The following CYB5R4 variants were observed in gnomAD, a reference collection of about 807,000 sequenced individuals.
CYB5R4 encodes cytochrome b5 reductase 4.
A neutral mutation model predicts 70.2 loss-of-function variants in CYB5R4; 55 were observed. The ratio of observed to expected loss-of-function variants is 0.78; its 90% CI spans 0.63 to 0.98. The LOEUF is 0.98. Among genes scored for constraint, CYB5R4 ranks in the 50% least tolerant of loss-of-function variants. The pLI, the probability that CYB5R4 is intolerant of heterozygous loss-of-function variation, is 0.00. For synonymous variants in CYB5R4, 197 were observed against 199.5 expected, an observed-to-expected ratio of 0.99 and a Z score of 0.11; for missense variants, 562 against 612.6, an observed-to-expected ratio of 0.92 and a Z score of 0.87.
chr6:83,871,974 CA>C (rs1374865231), intron 2 of CYB5R4, among the ~76,000 whole-genome samples: 1 of 151,888 alleles, frequency 6.6e-6, no homozygotes, highest in Non-Finnish European at 1.5e-5. Context: ...TTTTCTGTTA[CA>C]TTGTTTGTTG....
intron 12 of CYB5R4, among the ~76,000 whole-genome samples, 170 bp from the exon 13 acceptor site, chr6:83,939,886 C>T (rs553790834): frequency 1.3e-5 from 2 of 152,072 alleles, no homozygotes; most frequent in Non-Finnish European, 2.9e-5. Flanking sequence ...ATCCTTAAGA[C>T]TACTTACATA....
chr6:83,889,207 A>G (rs2099460732), intron 2 of CYB5R4, among the ~76,000 whole-genome samples: 2 of 152,266 alleles, frequency 1.3e-5, no homozygotes, highest in African/African-American at 4.8e-5. Context: ...AGCTAAGATC[A>G]GTGATGTAGT....
At chr6:83,921,622 T>C (rs1279983015) in intron 8 of CYB5R4, among the ~76,000 whole-genome samples, 1 of 152,164 alleles carries the variant, frequency 6.6e-6, no homozygotes, top group Non-Finnish European at 1.5e-5. Context: ...CAGCTGTCAG[T>C]CCCTTCGTGG....
intron 13 of CYB5R4, 103 bp downstream of exon 13, chr6:83,940,309 TTTCCTCA>T: frequency 1.7e-6 from 2 of 1,186,580 alleles, no homozygotes; most frequent in Middle Eastern, 2.9e-4. Context: ...CATGTTACCA[TTTCCTCA>T]TTCATCATTT....
chr6:83,874,863 G>A (rs529704958), intron 2 of CYB5R4, among the ~76,000 whole-genome samples: 1 of 148,426 alleles, frequency 6.7e-6, no homozygotes, highest in African/African-American at 2.5e-5. Context: ...TCACTCTGTC[G>A]CCAGGCTGGA....
intron 14 of CYB5R4, among the ~76,000 whole-genome samples, chr6:83,952,216 A>G (rs1036649212): frequency 1.3e-5 from 2 of 152,178 alleles, no homozygotes; most frequent in Admixed American, 6.6e-5. Flanking sequence ...ATAGAAGACA[A>G]TTTACATCAC....
intron 14 of CYB5R4, among the ~76,000 whole-genome samples, chr6:83,954,961 GTC>G (rs2099472112): frequency 6.6e-6 from 1 of 151,094 alleles, no homozygotes; most frequent in Admixed American, 6.6e-5. Flanking sequence ...GCCCAGGCTG[GTC>G]TCAAACTCCT....
chr6:83,878,582 G>A (rs1020260019), intron 2 of CYB5R4, among the ~76,000 whole-genome samples: 3 of 152,158 alleles, frequency 2.0e-5, no homozygotes, highest in Non-Finnish European at 4.4e-5. Context: ...TCCTGACCTT[G>A]TGATCCACCT....
At chr6:83,934,881 G>A in intron 11 of CYB5R4, 146 bp downstream of exon 11, 1 of 679,532 alleles carries the variant, frequency 1.5e-6, no homozygotes, top group Non-Finnish European at 2.4e-6. Context: ...ATGTAGGTTT[G>A]TGACTGCAAC....
intron 10 of CYB5R4, among the ~76,000 whole-genome samples, 193 bp from the exon 11 acceptor site, chr6:83,934,402 G>A (rs910760972): frequency 3.3e-5 from 5 of 152,036 alleles, no homozygotes; most frequent in African/African-American, 1.2e-4. Flanking sequence ...ACAGGTCTTG[G>A]TCAACACATA....
chr6:83,946,658 A>G (rs535732541), intron 14 of CYB5R4, among the ~76,000 whole-genome samples: 150 of 152,336 alleles, frequency 9.8e-4, no homozygotes, highest in African/African-American at 3.4e-3. Flanking sequence ...ACATGATTGT[A>G]TATTTAGAAA....
intron 10 of CYB5R4, among the ~76,000 whole-genome samples, chr6:83,924,934 T>C (rs544530753): frequency 6.6e-6 from 1 of 152,298 alleles, no homozygotes; most frequent in East Asian, 1.9e-4. Flanking sequence ...GCTTTGTATG[T>C]CTGCTTGATA....
intron 3 of CYB5R4, among the ~76,000 whole-genome samples, chr6:83,908,440 T>TATTAC (rs908596054): frequency 2.6e-5 from 4 of 152,350 alleles, no homozygotes; most frequent in South Asian, 2.1e-4. Flanking sequence ...TCATACTTTG[T>TATTAC]AGCACTAATC....
intron 10 of CYB5R4, among the ~76,000 whole-genome samples, chr6:83,932,779 G>A (rs762161780): frequency 3.3e-5 from 5 of 152,110 alleles, no homozygotes; most frequent in South Asian, 2.1e-4. Context: ...GAGCCTTTAC[G>A]TTAATGTATC....
chr6:83,929,756 C>G (rs1444519904), intron 10 of CYB5R4, among the ~76,000 whole-genome samples: 1 of 152,078 alleles, frequency 6.6e-6, no homozygotes, highest in Admixed American at 6.6e-5. Flanking sequence ...AGCATTTTAT[C>G]TTAATTGATA....
intron 1 of CYB5R4, among the ~76,000 whole-genome samples, chr6:83,862,633 C>T (rs767048154): frequency 2.6e-4 from 39 of 152,258 alleles, no homozygotes; most frequent in Middle Eastern, 3.4e-3. Flanking sequence ...CAACTGTGAC[C>T]AGATTGTGAA....
At chr6:83,917,966 T>TA in intron 5 of CYB5R4, 39 bp from the exon 6 acceptor site, 1 of 1,529,032 alleles carries the variant, frequency 6.5e-7, no homozygotes, top group Non-Finnish European at 9.0e-7. Flanking sequence ...AAGTTAAAAA[T>TA]ACTTTGTAGA....
chr6:83,948,065 G>A (rs2099470918), intron 14 of CYB5R4, among the ~76,000 whole-genome samples: 1 of 152,134 alleles, frequency 6.6e-6, no homozygotes, highest in Admixed American at 6.5e-5. Flanking sequence ...AAAGATACAT[G>A]CACATGTATG....
Position 83,940,123 on chromosome 6 carries a change from T to A in CYB5R4, c.1176T>A (p.Asp392Glu). 1 of 1,612,922 alleles carries A rather than the reference T, an allele frequency of 6.2e-7. No individual in the cohort carries two copies. The highest frequency in any genetic ancestry group is 8.5e-7 in the Non-Finnish European group (1 of 1,179,244). ...FKISKFQELE[D>E]LFLLAAGTGF... ...TATCCAAGTTCCAAGAATTAGAAGA[T>A]CTCTTTTTGTTGGCAGCTGGAACAG... The change falls in exon 13 of 16, where the codon GAT becomes GAA. Residue 392 changes from aspartate to glutamate, a missense_variant. Physicochemically the swap from Asp to Glu is conservative, Grantham distance 45. Transcript: ENST00000369681.
Sources: gnomAD v4.1 joint callset for allele counts (sites outside exome capture counted in the v4.1 genomes callset) on GRCh38, gnomAD v4.1.1 for gene constraint, MANE v1.5 for transcripts, NCBI Gene and HGNC (gene_info 2026-07-23, HGNC 2026-07-21) for gene names.